DTD1: variants seen among roughly 807,000 people sequenced by gnomAD.
DTD1 encodes the protein D-aminoacyl-tRNA deacylase 1.
DTD1 carries 13 observed loss-of-function variants against 25.6 expected under a neutral mutation model. That is an observed-to-expected ratio of 0.51 (90% CI 0.33 to 0.81). The LOEUF (loss-of-function observed/expected upper bound fraction) is 0.81. Ranked by LOEUF, DTD1 falls within the 30% of genes least tolerant of loss-of-function variation. The probability of loss-of-function intolerance (pLI) is 0.02; values close to 1 mark genes in which losing one functional copy is unlikely to be tolerated. For missense variants in DTD1, 193 were observed against 266.4 expected (o/e 0.72, Z 1.92); for synonymous variants, 110 against 103.6 (o/e 1.06, Z -0.37).
Position 18,765,936 on chromosome 20 carries a change from A to T in DTD1, c.*2596A>T, listed in dbSNP as rs2061377657. 6.6e-6 allele frequency: 1 copy of T among 152,232 alleles called. No homozygotes were observed. Among genetic ancestry groups the T allele is most frequent in the Non-Finnish European group, 1.5e-5 (1 of 68,048 alleles). The allele number at this position is 152,232 out of a possible 1,614,324, so 9.4% of individuals were successfully genotyped here. On this transcript the variant is annotated 3_prime_UTR_variant, in exon 6 of 6. Transcript: ENST00000377452. Reference sequence around the variant, plus strand: ...GGCAGATCACAGACCCAGGACTTTAAACAGAGTGCTGTGCCGATAACACTG... The same window carrying T: ...GGCAGATCACAGACCCAGGACTTTATACAGAGTGCTGTGCCGATAACACTG...
intron 4 of DTD1, among the ~76,000 whole-genome samples, chr20:18,740,864 C>T (rs764644374): frequency 3.3e-5 from 5 of 152,064 alleles, no homozygotes; most frequent in Admixed American, 6.6e-5. Flanking sequence ...AGAAGACAGA[C>T]GAAAGGAAAG....
At chr20:18,748,301 A>AT (rs2061308671) in intron 5 of DTD1, among the ~76,000 whole-genome samples, 1 of 152,182 alleles carries the variant, frequency 6.6e-6, no homozygotes, top group African/African-American at 2.4e-5. Context: ...TTATTAACCT[A>AT]ATACATTTTA....
At chr20:18,688,537 G>T (rs1347000072) in intron 4 of DTD1, among the ~76,000 whole-genome samples, 1 of 152,128 alleles carries the variant, frequency 6.6e-6, no homozygotes, top group Non-Finnish European at 1.5e-5. Context: ...CAACAGTCCT[G>T]AGACAGGGTG....
chr20:18,608,218 C>T (rs959911105), intron 3 of DTD1, among the ~76,000 whole-genome samples: 2 of 151,670 alleles, frequency 1.3e-5, no homozygotes, highest in Admixed American at 6.6e-5. Flanking sequence ...TAGTGATGTC[C>T]TCTGTTTCAT....
intron 4 of DTD1, among the ~76,000 whole-genome samples, chr20:18,711,158 G>T (rs2061156979): frequency 6.6e-6 from 1 of 152,164 alleles, no homozygotes. Context: ...TGTGAGCGCA[G>T]GTGTTGTAAG....
intron 4 of DTD1, among the ~76,000 whole-genome samples, chr20:18,640,976 T>A (rs575787927): frequency 6.6e-6 from 1 of 152,160 alleles, no homozygotes; most frequent in African/African-American, 2.4e-5. Flanking sequence ...ACTTTACCCT[T>A]AAGTAGTAAT....
At chr20:18,639,725 T>C (rs1212782756) in intron 4 of DTD1, among the ~76,000 whole-genome samples, 3 of 152,252 alleles carry the variant, frequency 2.0e-5, no homozygotes, top group African/African-American at 7.2e-5. Flanking sequence ...TTCCATAAAA[T>C]GTGAAGTCAA....
At chr20:18,684,679 G>A (rs1460830982) in intron 4 of DTD1, among the ~76,000 whole-genome samples, 1 of 152,114 alleles carries the variant, frequency 6.6e-6, no homozygotes, top group East Asian at 1.9e-4. Flanking sequence ...GGATTTGCTT[G>A]TCTCTCCAGA....
intron 4 of DTD1, among the ~76,000 whole-genome samples, chr20:18,633,364 C>T (rs751216072): frequency 6.6e-6 from 1 of 152,200 alleles, no homozygotes; most frequent in Non-Finnish European, 1.5e-5. Flanking sequence ...CCAAGAATCT[C>T]TGACCCCCAC....
intron 5 of DTD1, among the ~76,000 whole-genome samples, chr20:18,748,589 A>G (rs1373213811): frequency 6.6e-6 from 1 of 152,106 alleles, no homozygotes; most frequent in African/African-American, 2.4e-5. Context: ...AGACAAGGGG[A>G]CAGTTACTGC....
At chr20:18,636,881 C>T (rs1288871673) in intron 4 of DTD1, among the ~76,000 whole-genome samples, 4 of 152,310 alleles carry the variant, frequency 2.6e-5, no homozygotes, top group African/African-American at 9.6e-5. Flanking sequence ...AAACGGCAGA[C>T]TGAGGACCAC....
chr20:18,751,756 A>G (rs1241912976), intron 5 of DTD1, among the ~76,000 whole-genome samples: 2 of 152,116 alleles, frequency 1.3e-5, no homozygotes, highest in South Asian at 4.2e-4. Context: ...AGCCTCCCAA[A>G]GTGCTGGGAT....
chr20:18,658,950 C>G (rs2080413566), intron 4 of DTD1, among the ~76,000 whole-genome samples: 1 of 152,098 alleles, frequency 6.6e-6, no homozygotes, highest in South Asian at 2.1e-4. Flanking sequence ...GGTCACTTAC[C>G]TCTCTGTAGA....
chr20:18,666,512 A>G (rs2060931816), intron 4 of DTD1, among the ~76,000 whole-genome samples: 1 of 152,172 alleles, frequency 6.6e-6, no homozygotes. Context: ...ATAAACAAGA[A>G]ATTTTTTTTT....
chr20:18,699,478 A>G (rs1182959575), intron 4 of DTD1, among the ~76,000 whole-genome samples: 10 of 152,230 alleles, frequency 6.6e-5, no homozygotes, highest in Non-Finnish European at 1.3e-4. Context: ...GCGTGATGCC[A>G]GCAGGACAGT....
At chr20:18,596,295 G>C in intron 3 of DTD1, 54 bp downstream of exon 3, 2 of 1,463,092 alleles carry the variant, frequency 1.4e-6, no homozygotes, top group South Asian at 1.2e-5. Flanking sequence ...CCTGGATGGA[G>C]AGAAAAAAGA....
intron 4 of DTD1, among the ~76,000 whole-genome samples, chr20:18,707,612 CTGTT>C (rs1222587930): frequency 2.6e-5 from 4 of 152,166 alleles, no homozygotes; most frequent in African/African-American, 9.7e-5. Flanking sequence ...TGGTGGCTGT[CTGTT>C]CACAAGAAAG....
Position 18,744,414 on chromosome 20 carries a change from A to G in DTD1, c.*19+143A>G, listed in dbSNP as rs2061291476. The G allele has an allele frequency of 9.1e-6, 8 of 875,990 alleles. No individual in the cohort carries two copies. The South Asian group carries it at 1.3e-4, about 14-fold the overall frequency. 54.3% of individuals were successfully genotyped at this position (875,990 alleles called of 1,614,324 possible). On this transcript the variant is annotated intron_variant, in intron 5 of 5. Transcript: ENST00000377452. The stretch of plus-strand genomic sequence containing the variant: ...TTAAATCTGCTGCCTTCCAGGATGG[A>G]GACAAAAGTTAGTGTGTTAGTCCGT...
intron 3 of DTD1, among the ~76,000 whole-genome samples, chr20:18,598,579 G>A (rs1317623305): frequency 6.6e-6 from 1 of 151,656 alleles, no homozygotes; most frequent in African/African-American, 2.4e-5. Flanking sequence ...CTCACTGCAA[G>A]CTCTGCCTCC....
Sources: allele counts gnomAD v4.1 joint callset (sites outside exome capture counted in the v4.1 genomes callset), GRCh38; gene constraint gnomAD v4.1.1; transcripts MANE v1.5; gene names NCBI Gene and HGNC (gene_info 2026-07-23, HGNC 2026-07-21).